Variants in TESC observed in about 807,000 individuals in gnomAD.
TESC encodes tescalcin, also known as calcineurin B homologous protein 3.
TESC carries 19 observed loss-of-function variants against 31.0 expected under a neutral mutation model. The observed-to-expected ratio is 0.61, with a 90% confidence interval of 0.43 to 0.90. The LOEUF (loss-of-function observed/expected upper bound fraction) is 0.90, where lower values mean the gene tolerates loss of function less well. Ranked by LOEUF, TESC falls within the 40% of genes least tolerant of loss-of-function variation. The pLI is 0.00. For synonymous variants in TESC, 109 were observed against 114.8 expected, an observed-to-expected ratio of 0.95 and a Z score of 0.32; for missense variants, 248 against 303.8, an observed-to-expected ratio of 0.82 and a Z score of 1.36.
chr12:117,068,057 C>G (rs1954911831), intron 2 of TESC, among the ~76,000 whole-genome samples: 1 of 152,156 alleles, frequency 6.6e-6, no homozygotes, highest in Non-Finnish European at 1.5e-5. Context: ...ATGCCCGGCT[C>G]ATTTTTAAAT....
chr12:117,074,707 CA>C (rs1648960715), intron 2 of TESC, among the ~76,000 whole-genome samples: 1 of 152,196 alleles, frequency 6.6e-6, no homozygotes, highest in Admixed American at 6.5e-5. Context: ...AAGCACATTC[CA>C]TCCGAGGAAG....
In TESC at chr12:117,084,025, C is replaced by T. The variant is rs565833859; in HGVS notation, c.59-8685G>A. 5.6e-4 allele frequency: 82 copies of T among 146,928 alleles called. 1 individual carries two copies. The highest frequency in any genetic ancestry group is 8.7e-4 in the Non-Finnish European group (59 of 67,432). 9.1% of individuals were successfully genotyped at this position (146,928 alleles called of 1,614,324 possible). A position where few individuals can be genotyped will look rare whatever the true frequency, so the allele number is the denominator to read the frequency against. On this transcript the variant is annotated intron_variant, in intron 1 of 7. Coordinates refer to ENST00000335209, the MANE Select transcript of TESC (RefSeq NM_017899.4). Reference sequence around the variant, plus strand: ...AGGAGAATCGTTTGAACCCAGGAGGCGGAGGTTGCAGTGAGCTGAGATAGC... The same window carrying T: ...AGGAGAATCGTTTGAACCCAGGAGGTGGAGGTTGCAGTGAGCTGAGATAGC...
intron 4 of TESC, among the ~76,000 whole-genome samples, chr12:117,048,386 T>C (rs936558430): frequency 1.3e-5 from 2 of 152,176 alleles, no homozygotes; most frequent in African/African-American, 4.8e-5. Context: ...ATTTTCTTGA[T>C]GAGGAGGCTG....
At chr12:117,084,161 C>T (rs1307050881) in intron 1 of TESC, 1 of 151,698 alleles carries the variant, frequency 6.6e-6, no homozygotes, top group Non-Finnish European at 1.5e-5. Flanking sequence ...TACTAAAAGC[C>T]ACTGAACTGT....
At chr12:117,064,378 G>T (rs190109165) in intron 2 of TESC, among the ~76,000 whole-genome samples, 85 of 152,280 alleles carry the variant, frequency 5.6e-4, no homozygotes, top group Non-Finnish European at 1.1e-3. Flanking sequence ...TTTGCTCCTG[G>T]CAAATGCCTC....
At chr12:117,074,349 C>T (rs553175778) in intron 2 of TESC, among the ~76,000 whole-genome samples, 4 of 152,112 alleles carry the variant, frequency 2.6e-5, no homozygotes, top group East Asian at 3.9e-4. Flanking sequence ...GCCTGGGCAA[C>T]GGAGTGAGAC....
intron 1 of TESC, among the ~76,000 whole-genome samples, chr12:117,078,899 G>T (rs77136252): frequency 0.028 from 4,269 of 152,256 alleles, 212 homozygotes; most frequent in African/African-American, 0.095. Context: ...CATCTGGATG[G>T]CTGAGGGATC....
intron 3 of TESC, among the ~76,000 whole-genome samples, chr12:117,056,237 AGTAG>A (rs1954722495): frequency 6.6e-6 from 1 of 152,074 alleles, no homozygotes; most frequent in African/African-American, 2.4e-5. Flanking sequence ...TTTTATTTTT[AGTAG>A]AAACAGGGTT....
At chr12:117,055,022 G>A (rs189765362) in intron 3 of TESC, among the ~76,000 whole-genome samples, 2 of 152,214 alleles carry the variant, frequency 1.3e-5, no homozygotes, top group East Asian at 3.9e-4. Context: ...TGAGGCTCGA[G>A]CTCTGGCCTG....
intron 2 of TESC, among the ~76,000 whole-genome samples, chr12:117,058,265 T>C (rs986214026): frequency 1.3e-5 from 2 of 151,974 alleles, no homozygotes; most frequent in Non-Finnish European, 2.9e-5. Flanking sequence ...AAAAAACCCA[T>C]TATGCTAAGT....
At chr12:117,081,724 T>C (rs1955150899) in intron 1 of TESC, among the ~76,000 whole-genome samples, 2 of 151,598 alleles carry the variant, frequency 1.3e-5, no homozygotes, top group East Asian at 1.9e-4. Context: ...GCCAACATGG[T>C]GAAACCCCAT....
chr12:117,083,809 A>G (rs1955180778), intron 1 of TESC, among the ~76,000 whole-genome samples: 1 of 152,154 alleles, frequency 6.6e-6, no homozygotes, highest in Non-Finnish European at 1.5e-5. Flanking sequence ...ACAATTAGGT[A>G]GTGGTGGCCA....
At chr12:117,093,140 G>A (rs1955337987) in intron 1 of TESC, among the ~76,000 whole-genome samples, 1 of 152,182 alleles carries the variant, frequency 6.6e-6, no homozygotes, top group African/African-American at 2.4e-5. Flanking sequence ...CTATGCTACA[G>A]TTGTTGGGGT....
chr12:117,061,319 T>A (rs1259228888), intron 2 of TESC, among the ~76,000 whole-genome samples: 1 of 152,172 alleles, frequency 6.6e-6, no homozygotes, highest in Non-Finnish European at 1.5e-5. Flanking sequence ...TGAAGATGGC[T>A]GCACGCAGGG....
At chr12:117,041,638 C>A (rs528120963) in intron 7 of TESC, among the ~76,000 whole-genome samples, 6 of 152,166 alleles carry the variant, frequency 3.9e-5, no homozygotes, top group Admixed American at 3.3e-4. Flanking sequence ...CAGCCTACAA[C>A]GGGGGTTACT....
chr12:117,046,716 C>G (rs1233734390), intron 5 of TESC, 50 bp from the exon 6 acceptor site: 1 of 1,552,556 alleles, frequency 6.4e-7, no homozygotes, highest in Non-Finnish European at 8.7e-7. Context: ...CCATCAGGGT[C>G]GTGGGGGGCA....
At chr12:117,069,908 C>T (rs560641770) in intron 2 of TESC, among the ~76,000 whole-genome samples, 2 of 152,334 alleles carry the variant, frequency 1.3e-5, no homozygotes, top group South Asian at 2.1e-4. Flanking sequence ...AAGGTCTTCA[C>T]GAGCCTCCTG....
At chr12:117,077,801 A>AGG (rs1955093690) in intron 1 of TESC, among the ~76,000 whole-genome samples, 1 of 152,174 alleles carries the variant, frequency 6.6e-6, no homozygotes, top group African/African-American at 2.4e-5. Flanking sequence ...GAGTAACTTG[A>AGG]ATGGAGTGCA....
rs549158058 is a variant in TESC at position 117,083,139 on chromosome 12, A to G, written c.59-7799T>C. Among the ~76,000 whole-genome samples the G allele has an allele frequency of 1.1e-3, 166 of 151,990 alleles. 1 individual carries two copies. The highest frequency in any genetic ancestry group is 3.9e-3 in the African/African-American group (160 of 41,452). On this transcript the variant is annotated intron_variant, in intron 1 of 7. Transcript: ENST00000335209. Reference sequence around the variant, plus strand: ...CTTGCTGTGTCACCCAGGCTGGAGTACAGTGGCACAACCTTAGCTCACTGC... The same window carrying G: ...CTTGCTGTGTCACCCAGGCTGGAGTGCAGTGGCACAACCTTAGCTCACTGC...
Sources: gnomAD v4.1 joint callset for allele counts (sites outside exome capture counted in the v4.1 genomes callset) on GRCh38, gnomAD v4.1.1 for gene constraint, MANE v1.5 for transcripts, NCBI Gene and HGNC (gene_info 2026-07-23, HGNC 2026-07-21) for gene names.